C10orf90: variants seen among roughly 807,000 people sequenced by gnomAD.
C10orf90 encodes the protein chromosome 10 open reading frame 90.
C10orf90 carries 56 observed loss-of-function variants against 62.5 expected under a neutral mutation model. The ratio of observed to expected loss-of-function variants is 0.90; its 90% CI spans 0.72 to 1.12. C10orf90 has a LOEUF of 1.12. C10orf90 is among the 50% of genes most tolerant of loss of function. The pLI is 0.00. For missense variants in C10orf90, 970 were observed against 880.4 expected (o/e 1.10, Z -1.29); for synonymous variants, 386 against 340.4 (o/e 1.13, Z -1.47).
chr10:126,547,127 C>G (rs1279954339), intron 2 of C10orf90, among the ~76,000 whole-genome samples: 2 of 147,362 alleles, frequency 1.4e-5, no homozygotes, highest in Admixed American at 1.3e-4. Flanking sequence ...ACAACAAAAA[C>G]AACAAAAAAA....
At chr10:126,577,354 A>T (rs1457929208) in intron 2 of C10orf90, among the ~76,000 whole-genome samples, 3 of 151,982 alleles carry the variant, frequency 2.0e-5, no homozygotes, top group East Asian at 1.9e-4. Flanking sequence ...GATGTAAAAG[A>T]CCAGGACACA....
chr10:126,457,010 C>T (rs909271731), intron 7 of C10orf90, among the ~76,000 whole-genome samples: 1 of 152,202 alleles, frequency 6.6e-6, no homozygotes, highest in African/African-American at 2.4e-5. Context: ...TTTTCTGAGA[C>T]AGGGTCTTGC....
rs531955022 is a variant in C10orf90 at position 126,452,024 on chromosome 10, T to C, written c.2188+7016A>G. The stretch of plus-strand genomic sequence containing the variant: ...CTACTGTAGAGCATGGTGACTATAG[T>C]TAATAATAAAGCTTTTTTATATTTG... On this transcript the variant is annotated intron_variant, in intron 7 of 9. Transcript: ENST00000488181. 6.0e-4 allele frequency among the ~76,000 whole-genome samples: 92 copies of C among 152,158 alleles called. 1 individual carries two copies. Among genetic ancestry groups the C allele is most frequent in the Middle Eastern group, 3.2e-3 (1 of 316 alleles).
intron 2 of C10orf90, among the ~76,000 whole-genome samples, chr10:126,572,285 G>T (rs1429544072): frequency 6.6e-6 from 1 of 152,130 alleles, no homozygotes; most frequent in African/African-American, 2.4e-5. Context: ...ACAGGAAACG[G>T]GTCCTGATCC....
chr10:126,599,859 G>A (rs1054644748), intron 2 of C10orf90, among the ~76,000 whole-genome samples: 3 of 152,154 alleles, frequency 2.0e-5, no homozygotes, highest in African/African-American at 7.2e-5. Context: ...GGAAAGCACT[G>A]GTGCGTTTTC....
intron 4 of C10orf90, among the ~76,000 whole-genome samples, chr10:126,471,291 A>T (rs1379029351): frequency 6.6e-6 from 1 of 152,216 alleles, no homozygotes; most frequent in Non-Finnish European, 1.5e-5. Flanking sequence ...GAGGAAGCAG[A>T]CATGGAGGGG....
At chr10:126,655,849 AAAG>A (rs897456758) in intron 1 of C10orf90, among the ~76,000 whole-genome samples, 101 of 152,060 alleles carry the variant, frequency 6.6e-4, no homozygotes, top group Non-Finnish European at 6.5e-4. Context: ...CAAAAAAAAA[AAAG>A]AAGAAGAACA....
At chr10:126,487,159 A>G (rs1276713313) in intron 4 of C10orf90, among the ~76,000 whole-genome samples, 5 of 150,168 alleles carry the variant, frequency 3.3e-5, no homozygotes, top group Non-Finnish European at 5.9e-5. Context: ...AAAAAAAAAA[A>G]AAAAAAAAAG....
intron 2 of C10orf90, among the ~76,000 whole-genome samples, chr10:126,589,171 A>G (rs1235698736): frequency 6.6e-6 from 1 of 152,234 alleles, no homozygotes; most frequent in Non-Finnish European, 1.5e-5. Flanking sequence ...AATAATGAAA[A>G]GGAATGAACA....
intron 2 of C10orf90, among the ~76,000 whole-genome samples, chr10:126,538,490 A>C (rs1864296574): frequency 1.3e-5 from 2 of 152,190 alleles, no homozygotes; most frequent in South Asian, 4.1e-4. Context: ...AACCTCCAGA[A>C]CTGTGCATCA....
chr10:126,617,938 A>C (rs1845574283), intron 2 of C10orf90, among the ~76,000 whole-genome samples: 1 of 152,186 alleles, frequency 6.6e-6, no homozygotes, highest in South Asian at 2.1e-4. Context: ...GCCAATTTTT[A>C]TCGGGAGCTG....
chr10:126,428,623 C>G (rs1857394646), intron 8 of C10orf90, among the ~76,000 whole-genome samples: 1 of 152,056 alleles, frequency 6.6e-6, no homozygotes. Context: ...TAGGGCAATA[C>G]TCTCTGACTA....
Position 126,429,797 on chromosome 10 carries a change from G to A in C10orf90, c.2242C>T (p.Arg748Ter), listed in dbSNP as rs755351903. The A allele has an allele frequency of 2.0e-5, 32 of 1,613,604 alleles. No individual in the cohort carries two copies. Among genetic ancestry groups the A allele is most frequent in the Admixed American group, 5.0e-5 (3 of 59,984 alleles). Residue 748 changes from arginine (R) to a stop codon, truncating the protein, a stop_gained, in exon 8 of 10, where the codon CGA (arginine) becomes TGA (stop). Transcript: ENST00000488181. LOFTEE classifies it high-confidence loss of function. ...ACAATAACCAAGTACCTCTTAGATC[G>A]CATATGCATCTCCTTCTCTGAAATG... ...RCISEKEMHMRSKRIYDNLPE... is the reference protein window; with the variant it reads ...RCISEKEMHM
At chr10:126,480,092 G>T (rs775418446) in intron 4 of C10orf90, among the ~76,000 whole-genome samples, 7 of 152,256 alleles carry the variant, frequency 4.6e-5, no homozygotes, top group South Asian at 4.1e-4. Context: ...TTACTGGGAA[G>T]AATATTTTTA....
intron 7 of C10orf90, among the ~76,000 whole-genome samples, chr10:126,431,444 G>A (rs958416666): frequency 6.6e-6 from 1 of 152,146 alleles, no homozygotes; most frequent in African/African-American, 2.4e-5. Flanking sequence ...GTATCCAGCG[G>A]TCCCTGCTCC....
At position 126,438,603 on chromosome 10, in the gene C10orf90, G is replaced by T. The variant is rs78943275; in HGVS notation, c.2189-8753C>A. Reference sequence around the variant, plus strand: ...TGGTTCTCCTCTGGAATGCATTGTCGTTAGTATTTGGCTAGAGGAAACCAA... The same window carrying T: ...TGGTTCTCCTCTGGAATGCATTGTCTTTAGTATTTGGCTAGAGGAAACCAA... On this transcript the variant is annotated intron_variant, in intron 7 of 9. Transcript: ENST00000488181. Among the ~76,000 whole-genome samples the T allele has an allele frequency of 5.1e-4, 77 of 152,188 alleles. 1 individual carries two copies. The East Asian group carries it at 0.015, about 29-fold the overall frequency.
rs776388300 is a variant in C10orf90 at position 126,670,238 on chromosome 10, T to C, written c.240+3A>G. On this transcript the variant is annotated splice_donor_region_variant and intron_variant, in intron 1 of 9. Coordinates refer to ENST00000488181, the MANE Select transcript of C10orf90 (RefSeq NM_001350921.2). ...CCACTCACCCACCCAGGCTCAGCCA[T>C]ACCTCATATCTGCTGGCTGTCTGCT... 2 of 456,724 alleles carry C rather than the reference T, an allele frequency of 4.4e-6. No homozygotes were observed. 28.3% of individuals were successfully genotyped at this position (456,724 alleles called of 1,614,324 possible).
At chr10:126,609,262 G>C (rs753842438) in intron 2 of C10orf90, among the ~76,000 whole-genome samples, 1 of 152,134 alleles carries the variant, frequency 6.6e-6, no homozygotes, top group African/African-American at 2.4e-5. Context: ...AATTAGCCAG[G>C]CATGGTGGTG....
Position 126,504,706 on chromosome 10 carries a change from G to A in C10orf90, c.785C>T (p.Pro262Leu), listed in dbSNP as rs752861299. Residue 262 changes from proline to leucine, a missense_variant, in exon 4 of 10, where the codon CCC becomes CTC. Physicochemically the swap from Pro to Leu is moderately conservative, Grantham distance 98 (BLOSUM62 -3). Coordinates refer to ENST00000488181, the MANE Select transcript of C10orf90 (RefSeq NM_001350921.2). This position sits in a 1 kb window ranked among gnomAD's most constrained non-coding sequence, Gnocchi z 4.1. ...VWGTAGDSLC[P>L]KCRAEDTLFQ... The stretch of plus-strand genomic sequence containing the variant: ...CAGTGTGTCCTCAGCCCTGCACTTG[G>A]GGCACAGAGAGTCCCCAGCAGTCCC... The A allele has an allele frequency of 6.2e-6, 10 of 1,611,028 alleles. No homozygotes were observed. The highest frequency in any genetic ancestry group is 5.5e-5 in the South Asian group (5 of 90,874).
Sources: allele counts gnomAD v4.1 joint callset (sites outside exome capture counted in the v4.1 genomes callset), GRCh38; gene constraint gnomAD v4.1.1; non-coding constraint Gnocchi (gnomAD v3.1); transcripts MANE v1.5; gene names NCBI Gene and HGNC (gene_info 2026-07-23, HGNC 2026-07-21).